The following PNPLA7 variants were observed in gnomAD, a reference collection of about 807,000 sequenced individuals.
PNPLA7 encodes patatin like domain 7, lysophospholipase.
PNPLA7 carries 153 observed loss-of-function variants against 161.7 expected under a neutral mutation model. That is an observed-to-expected ratio of 0.95 (90% CI 0.83 to 1.08). The LOEUF (loss-of-function observed/expected upper bound fraction) is 1.08. Among genes scored for constraint, PNPLA7 ranks in the 50% least tolerant of loss-of-function variants. PNPLA7 has a pLI of 0.00. For missense variants in PNPLA7, 1,739 were observed against 1,856.6 expected, an observed-to-expected ratio of 0.94 and a Z score of 1.16; for synonymous variants, 809 against 782.1, an observed-to-expected ratio of 1.03 and a Z score of -0.57.
At chr9:137,489,654 C>T (rs762210195) in intron 20 of PNPLA7, among the ~76,000 whole-genome samples, 7 of 152,240 alleles carry the variant, frequency 4.6e-5, no homozygotes, top group South Asian at 2.1e-4. Flanking sequence ...AAAGAGAGAA[C>T]GTCCTAGCAA....
chr9:137,549,469 C>A (rs927772813), intron 1 of PNPLA7, among the ~76,000 whole-genome samples: 4 of 151,374 alleles, frequency 2.6e-5, no homozygotes, highest in African/African-American at 9.7e-5. Context: ...ACTTGGGAGG[C>A]CGAGGCAGGA....
intron 21 of PNPLA7, among the ~76,000 whole-genome samples, chr9:137,483,332 G>A (rs867640014): frequency 6.6e-6 from 1 of 152,238 alleles, no homozygotes; most frequent in African/African-American, 2.4e-5. Context: ...TCTGACTGAT[G>A]TCACCGGAAA....
chr9:137,535,282 G>A (rs1048027231), intron 8 of PNPLA7, among the ~76,000 whole-genome samples: 2 of 151,996 alleles, frequency 1.3e-5, no homozygotes, highest in African/African-American at 4.8e-5. Context: ...CACATAAAGT[G>A]ACTGCTGGAG....
intron 15 of PNPLA7, among the ~76,000 whole-genome samples, chr9:137,501,315 C>G (rs993083823): frequency 7.9e-5 from 12 of 152,374 alleles, no homozygotes; most frequent in Admixed American, 5.9e-4. Flanking sequence ...TTTGGTCCCA[C>G]ATCTGCAGAT....
intron 20 of PNPLA7, chr9:137,491,590 C>G: frequency 1.0e-6 from 1 of 985,404 alleles, no homozygotes. Flanking sequence ...TAGTGTCCCC[C>G]CAAATTCATG....
At chr9:137,522,999 C>CA in intron 8 of PNPLA7, 142 bp from the exon 9 acceptor site, 1 of 1,199,312 alleles carries the variant, frequency 8.3e-7, no homozygotes, top group Non-Finnish European at 1.2e-6. Context: ...CTGGGCTGTG[C>CA]AAAGTGCTGC....
chr9:137,538,136 G>T (rs550108163), intron 8 of PNPLA7, among the ~76,000 whole-genome samples: 1 of 152,198 alleles, frequency 6.6e-6, no homozygotes, highest in Non-Finnish European at 1.5e-5. Flanking sequence ...CACGCTGGGG[G>T]CTCCCTCGAA....
In PNPLA7 at chr9:137,541,896, C is replaced by T. The variant is rs1290204338; in HGVS notation, c.666+746G>A. On this transcript the variant is annotated intron_variant, in intron 7 of 34. Coordinates refer to ENST00000406427, the MANE Select transcript of PNPLA7 (RefSeq NM_001098537.3). The surrounding 1 kb of genome is among the most constrained non-coding windows in gnomAD (Gnocchi z 4.4). ...TCCCAGACTCAAGCGATCCTCCCACCTCAGCCCCCAAGTGGCTGGGACCAC... is the reference window on the plus strand; with the variant it reads ...TCCCAGACTCAAGCGATCCTCCCACTTCAGCCCCCAAGTGGCTGGGACCAC... Among the ~76,000 whole-genome samples the T allele has an allele frequency of 6.6e-6, 1 of 152,150 alleles. No homozygotes were observed. The highest frequency in any genetic ancestry group is 1.5e-5 in the Non-Finnish European group (1 of 68,032).
chr9:137,502,486 A>G (rs536425919), intron 14 of PNPLA7, among the ~76,000 whole-genome samples: 1 of 149,390 alleles, frequency 6.7e-6, no homozygotes, highest in Non-Finnish European at 1.5e-5. Flanking sequence ...GGAGGGAGAA[A>G]GAGATGGAGG....
intron 13 of PNPLA7, 104 bp from the exon 14 acceptor site, chr9:137,505,864 A>G: frequency 1.3e-6 from 2 of 1,530,984 alleles, no homozygotes; most frequent in Admixed American, 3.5e-5. Flanking sequence ...AGGCCGGCTG[A>G]GCCTCCTGAA....
chr9:137,549,645 A>G (rs1050836372), intron 1 of PNPLA7, among the ~76,000 whole-genome samples: 1 of 151,652 alleles, frequency 6.6e-6, no homozygotes, highest in Non-Finnish European at 1.5e-5. Context: ...GAATACAAAA[A>G]TTAGCCGGGC....
At chr9:137,462,447 G>C in intron 30 of PNPLA7, 116 bp from the exon 31 acceptor site, 1 of 1,485,814 alleles carries the variant, frequency 6.7e-7, no homozygotes, top group South Asian at 1.4e-5. Context: ...AGGTTCTGGG[G>C]GGAGAGGGTA....
rs546761134 is a variant in PNPLA7 at position 137,529,646 on chromosome 9, T to C, written c.748-6789A>G. ...GTCAATCTGAGATTCGAGGTGAAGT[T>C]TGAATCTTTGTTTTTTTTTTTTTTT... On this transcript the variant is annotated intron_variant, in intron 8 of 34. Transcript: ENST00000406427. 6.0e-5 allele frequency among the ~76,000 whole-genome samples: 9 copies of C among 150,578 alleles called. No individual in the cohort carries two copies. In the South Asian group the frequency reaches 1.7e-3, roughly 28 times the overall value.
At chr9:137,501,389 C>G (rs1833406120) in intron 15 of PNPLA7, among the ~76,000 whole-genome samples, 1 of 152,240 alleles carries the variant, frequency 6.6e-6, no homozygotes, top group Non-Finnish European at 1.5e-5. Flanking sequence ...CTCTTATGAC[C>G]TCTTCCCAAT....
At position 137,499,079 on chromosome 9, in the gene PNPLA7, G is replaced by T. The variant is rs1378689147; in HGVS notation, c.1758-834C>A. Among the ~76,000 whole-genome samples the T allele has an allele frequency of 6.6e-6, 1 of 151,954 alleles. No individual in the cohort carries two copies. The stretch of plus-strand genomic sequence containing the variant: ...GAGGAGCCCTGGGATGCTGGCTGGG[G>T]TGACGGCTGCAAGGCACACCATGCA... On this transcript the variant is annotated intron_variant, in intron 16 of 34. Coordinates refer to ENST00000406427, the MANE Select transcript of PNPLA7 (RefSeq NM_001098537.3). This position sits in a 1 kb window ranked among gnomAD's most constrained non-coding sequence, Gnocchi z 5.5.
intron 7 of PNPLA7, among the ~76,000 whole-genome samples, 199 bp downstream of exon 7, chr9:137,542,443 C>G (rs1836255120): frequency 6.6e-6 from 1 of 152,150 alleles, no homozygotes. Context: ...TGCACTCCAG[C>G]CTGGGTGACA....
intron 14 of PNPLA7, among the ~76,000 whole-genome samples, chr9:137,503,765 A>AG: frequency 1.6e-4 from 2 of 12,578 alleles, no homozygotes; most frequent in African/African-American, 7.2e-4. Flanking sequence ...AAAAGAAAGA[A>AG]AAAGAAGAAA....
chr9:137,534,866 C>T (rs753406100), intron 8 of PNPLA7, among the ~76,000 whole-genome samples: 40 of 152,076 alleles, frequency 2.6e-4, no homozygotes, highest in Admixed American at 7.9e-4. Flanking sequence ...GACCTTAACC[C>T]CAGCAGGGCC....
At chr9:137,469,523 A>G (rs1205383255) in intron 25 of PNPLA7, among the ~76,000 whole-genome samples, 1 of 152,266 alleles carries the variant, frequency 6.6e-6, no homozygotes, top group Non-Finnish European at 1.5e-5. Flanking sequence ...AAAACCTTTA[A>G]GCGAGCCTGA....
Sources: allele counts gnomAD v4.1 joint callset (sites outside exome capture counted in the v4.1 genomes callset), GRCh38; gene constraint gnomAD v4.1.1; non-coding constraint Gnocchi (gnomAD v3.1); transcripts MANE v1.5; gene names NCBI Gene and HGNC (gene_info 2026-07-23, HGNC 2026-07-21).